Variants in SGCD observed in about 807,000 individuals in gnomAD.
SGCD encodes the protein delta-sarcoglycan.
SGCD carries 18 observed loss-of-function variants against 36.6 expected under a neutral mutation model. That is an observed-to-expected ratio of 0.49 (90% confidence interval 0.34 to 0.73). The LOEUF (loss-of-function observed/expected upper bound fraction) is 0.73, where lower values mean the gene tolerates loss of function less well. SGCD is among the 30% of genes least tolerant of loss of function. The pLI, the probability that SGCD is intolerant of heterozygous loss-of-function variation, is 0.01. For missense variants in SGCD, 387 were observed against 346.7 expected (o/e 1.12, Z -0.92); for synonymous variants, 133 against 130.6 (o/e 1.02, Z -0.12).
intron 4 of SGCD, among the ~76,000 whole-genome samples, chr5:156,553,709 T>G (rs530388682): frequency 6.6e-6 from 1 of 152,148 alleles, no homozygotes; most frequent in East Asian, 1.9e-4. Context: ...AATTACATAG[T>G]ACATGACCTT....
intron 5 of SGCD, among the ~76,000 whole-genome samples, chr5:156,592,919 A>T (rs1760780201): frequency 6.6e-6 from 1 of 152,186 alleles, no homozygotes; most frequent in Non-Finnish European, 1.5e-5. Flanking sequence ...GAGTGCACTA[A>T]TAAGTACTCA....
At chr5:155,764,299 A>G in the SGCD span, among the ~76,000 whole-genome samples, 4 of 152,330 alleles carry the variant, frequency 2.6e-5, no homozygotes, top group Middle Eastern at 3.4e-3. Context: ...TAAATGCTAC[A>G]TAAACAACAT....
intron 3 of SGCD, among the ~76,000 whole-genome samples, chr5:156,232,434 T>A (rs1383856643): frequency 6.6e-6 from 1 of 152,234 alleles, no homozygotes; most frequent in Non-Finnish European, 1.5e-5. Flanking sequence ...TGGATCCTTG[T>A]TCTGCCTCCC....
At chr5:156,003,766 A>G (rs1369786050) in intron 1 of SGCD, among the ~76,000 whole-genome samples, 1 of 152,182 alleles carries the variant, frequency 6.6e-6, no homozygotes, top group East Asian at 1.9e-4. Flanking sequence ...CATTAGTGGT[A>G]GAATTATTTT....
At chr5:155,803,734 T>G in the SGCD span, among the ~76,000 whole-genome samples, 1 of 152,208 alleles carries the variant, frequency 6.6e-6, no homozygotes, top group African/African-American at 2.4e-5. Flanking sequence ...CAAAAGATTT[T>G]AGCAGGTGGT....
intron 4 of SGCD, among the ~76,000 whole-genome samples, chr5:156,575,907 T>A (rs906623092): frequency 6.6e-6 from 1 of 152,184 alleles, no homozygotes; most frequent in Non-Finnish European, 1.5e-5. Flanking sequence ...TAAACTATTT[T>A]ACTCATAAAA....
intron 7 of SGCD, among the ~76,000 whole-genome samples, chr5:156,739,965 A>G (rs1263076618): frequency 1.3e-5 from 2 of 152,212 alleles, no homozygotes; most frequent in East Asian, 1.9e-4. Flanking sequence ...TAAATCTGTC[A>G]GTGATACTTG....
At chr5:156,370,244 T>C (rs574370704) in intron 3 of SGCD, among the ~76,000 whole-genome samples, 7 of 152,154 alleles carry the variant, frequency 4.6e-5, no homozygotes, top group Non-Finnish European at 1.0e-4. Flanking sequence ...GCAAAGAGGC[T>C]GATGAAAAAA....
At chr5:156,574,490 A>G (rs1759844126) in intron 4 of SGCD, among the ~76,000 whole-genome samples, 1 of 152,118 alleles carries the variant, frequency 6.6e-6, no homozygotes, top group Admixed American at 6.5e-5. Context: ...TGTGTAATCT[A>G]GGGTTACTGG....
intron 4 of SGCD, among the ~76,000 whole-genome samples, chr5:156,540,406 C>A (rs1443027063): frequency 6.6e-6 from 1 of 150,648 alleles, no homozygotes; most frequent in African/African-American, 2.5e-5. Context: ...TTTTTGTTTT[C>A]TTTTCTTTTC....
At chr5:155,909,693 C>A (rs943262088) in intron 1 of SGCD, among the ~76,000 whole-genome samples, 11 of 152,112 alleles carry the variant, frequency 7.2e-5, no homozygotes, top group African/African-American at 2.4e-4. Flanking sequence ...TTGCTAAACC[C>A]TTAAATTGAG....
At chr5:156,104,915 G>A (rs942608311) in intron 1 of SGCD, among the ~76,000 whole-genome samples, 1 of 152,108 alleles carries the variant, frequency 6.6e-6, no homozygotes, top group African/African-American at 2.4e-5. Context: ...GCAGGATACA[G>A]AGAAAGCATT....
intron 1 of SGCD, among the ~76,000 whole-genome samples, chr5:155,893,018 A>G (rs1316726539): frequency 6.6e-6 from 1 of 152,168 alleles, no homozygotes; most frequent in East Asian, 1.9e-4. Flanking sequence ...CAAAGTTGCA[A>G]TTGGGTAGGA....
At chr5:155,944,509 G>A (rs542741072) in intron 1 of SGCD, among the ~76,000 whole-genome samples, 1 of 152,072 alleles carries the variant, frequency 6.6e-6, no homozygotes, top group African/African-American at 2.4e-5. Context: ...AGATTACCTC[G>A]TTGGGTCACA....
chr5:156,470,288 A>G (rs1338349217), intron 3 of SGCD, among the ~76,000 whole-genome samples: 1 of 152,166 alleles, frequency 6.6e-6, no homozygotes, highest in Non-Finnish European at 1.5e-5. Context: ...ATTATTCCAT[A>G]TGCTATTTGT....
chr5:156,092,566 G>C (rs930274265), intron 1 of SGCD, among the ~76,000 whole-genome samples: 6 of 152,140 alleles, frequency 3.9e-5, no homozygotes, highest in Non-Finnish European at 8.8e-5. Flanking sequence ...ATATTAGAAG[G>C]TTGTTTTGGT....
At chr5:156,096,291 G>A (rs879658058) in intron 1 of SGCD, among the ~76,000 whole-genome samples, 4 of 152,176 alleles carry the variant, frequency 2.6e-5, no homozygotes, top group Admixed American at 2.6e-4. Flanking sequence ...CCAAATGCAG[G>A]TTCAGCTGCC....
the SGCD span, among the ~76,000 whole-genome samples, chr5:155,758,020 A>G: frequency 6.6e-6 from 1 of 152,108 alleles, no homozygotes; most frequent in Non-Finnish European, 1.5e-5. Context: ...AGGCTTCTCC[A>G]GCTACACAGA....
chr5:156,538,393 A>G (rs1049525128), intron 4 of SGCD, among the ~76,000 whole-genome samples: 1 of 152,042 alleles, frequency 6.6e-6, no homozygotes, highest in African/African-American at 2.4e-5. Flanking sequence ...TAGGTCAAGA[A>G]TGATTTTTTT....
Sources: allele counts gnomAD v4.1 joint callset (sites outside exome capture counted in the v4.1 genomes callset), GRCh38; gene constraint gnomAD v4.1.1; transcripts MANE v1.5; gene names NCBI Gene and HGNC (gene_info 2026-07-23, HGNC 2026-07-21).